Variants in LPP observed in about 807,000 individuals in gnomAD.
The protein encoded by LPP is lipoma-preferred partner.
In LPP, 38 loss-of-function variants were observed where a neutral mutation model predicts 60.4. The ratio of observed to expected loss-of-function variants is 0.63; its 90% CI spans 0.49 to 0.83. LPP has a LOEUF of 0.83. Among genes scored for constraint, LPP ranks in the 40% least tolerant of loss-of-function variants. LPP has a pLI of 0.00. For missense variants in LPP, 902 were observed against 783.6 expected, an observed-to-expected ratio of 1.15 and a Z score of -1.80; for synonymous variants, 328 against 290.8, an observed-to-expected ratio of 1.13 and a Z score of -1.30.
At chr3:188,187,685 C>G (rs1032182305) in intron 1 of LPP, among the ~76,000 whole-genome samples, 2 of 151,964 alleles carry the variant, frequency 1.3e-5, no homozygotes, top group Non-Finnish European at 2.9e-5. Context: ...GCAGTTTCCC[C>G]CTCTTCCCTC....
Position 188,221,220 on chromosome 3 carries a change from C to G in LPP, c.-189-4185C>G, listed in dbSNP as rs527354867. On this transcript the variant is annotated intron_variant, in intron 1 of 11. Coordinates refer to ENST00000617246, the MANE Select transcript of LPP (RefSeq NM_001375462.1). ...CCTTTGCACATTGTGTTCCCTGAGC[C>G]TATTTTTCTCCTCCTCATCCGTGGA... is the stretch of plus-strand genomic sequence containing the variant. Among the ~76,000 whole-genome samples, 4 of 152,316 alleles carry G rather than the reference C, an allele frequency of 2.6e-5. No individual in the cohort carries two copies. The South Asian group carries it at 8.3e-4, about 32-fold the overall frequency.
intron 1 of LPP, among the ~76,000 whole-genome samples, chr3:188,222,965 A>G (rs1394269038): frequency 3.9e-5 from 6 of 152,202 alleles, no homozygotes; most frequent in Non-Finnish European, 8.8e-5. Flanking sequence ...ATTTCATACC[A>G]TCTTCTTCTG....
rs1190398411 is a variant in LPP at position 188,880,427 on chromosome 3, A to C, written c.*5948A>C. On this transcript the variant is annotated 3_prime_UTR_variant, in exon 12 of 12. Coordinates refer to ENST00000617246, the MANE Select transcript of LPP (RefSeq NM_001375462.1). Reference sequence around the variant, plus strand: ...ATTCTGGTTGTTATTTAATTGACAGAAGTCTCTTGATGCACGAATAAATAT... The same window carrying C: ...ATTCTGGTTGTTATTTAATTGACAGCAGTCTCTTGATGCACGAATAAATAT... 2 of 190,224 alleles carry C rather than the reference A, an allele frequency of 1.1e-5. No individual in the cohort carries two copies. Among genetic ancestry groups the C allele is most frequent in the African/African-American group, 4.7e-5 (2 of 42,866 alleles). 11.8% of individuals were successfully genotyped at this position (190,224 alleles called of 1,614,324 possible).
At chr3:188,706,434 G>A (rs1033302522) in intron 7 of LPP, among the ~76,000 whole-genome samples, 5 of 152,194 alleles carry the variant, frequency 3.3e-5, no homozygotes, top group Non-Finnish European at 7.3e-5. Context: ...TTAGTGACCA[G>A]CATAAAATAT....
chr3:188,371,751 T>C (rs1288034911), intron 3 of LPP, among the ~76,000 whole-genome samples: 1 of 143,116 alleles, frequency 7.0e-6, no homozygotes, highest in Non-Finnish European at 1.5e-5. Flanking sequence ...GCTTCCTGGG[T>C]TCAAACGATT....
At chr3:188,538,593 A>G (rs1361818458) in intron 6 of LPP, among the ~76,000 whole-genome samples, 2 of 152,212 alleles carry the variant, frequency 1.3e-5, no homozygotes, top group Non-Finnish European at 2.9e-5. Context: ...GTGGATTGTA[A>G]AATGGCATAG....
intron 2 of LPP, chr3:188,240,284 G>T (rs186187649): frequency 1.2e-5 from 2 of 168,418 alleles, no homozygotes; most frequent in Admixed American, 6.4e-5. Context: ...GGTAGGAATA[G>T]CTTACAGCTT....
At chr3:188,514,871 TCA>T (rs1438481180) in intron 5 of LPP, among the ~76,000 whole-genome samples, 1 of 152,194 alleles carries the variant, frequency 6.6e-6, no homozygotes, top group Non-Finnish European at 1.5e-5. Flanking sequence ...TCTGTGGGCC[TCA>T]GTGTTCTGAA....
chr3:188,213,685 C>CT (rs953703913), intron 1 of LPP, among the ~76,000 whole-genome samples: 6 of 152,074 alleles, frequency 3.9e-5, no homozygotes, highest in African/African-American at 1.4e-4. Context: ...CCTTTCCCTT[C>CT]TTTTGTTCAT....
intron 2 of LPP, among the ~76,000 whole-genome samples, chr3:188,280,933 ATTTT>A (rs71298542): frequency 2.1e-5 from 3 of 141,350 alleles, no homozygotes; most frequent in Non-Finnish European, 4.6e-5. Context: ...CGACAAAGGA[ATTTT>A]TTTTTTTTTT....
At chr3:188,563,728 G>GTTTTTTTTTTTT (rs5855207) in intron 6 of LPP, among the ~76,000 whole-genome samples, 4 of 145,174 alleles carry the variant, frequency 2.8e-5, no homozygotes, top group African/African-American at 2.5e-5. Flanking sequence ...GTTTTTTTTT[G>GTTTTTTTTTTTT]TTTTTTTTTT....
At chr3:188,582,154 C>CA (rs1300973713) in intron 6 of LPP, among the ~76,000 whole-genome samples, 2 of 102,230 alleles carry the variant, frequency 2.0e-5, no homozygotes, top group Non-Finnish European at 3.7e-5. Context: ...TTTTCTTTTT[C>CA]TTTTTTTTTT....
At chr3:188,295,076 G>A (rs915254590) in intron 2 of LPP, among the ~76,000 whole-genome samples, 9 of 152,194 alleles carry the variant, frequency 5.9e-5, no homozygotes, top group African/African-American at 1.2e-4. Flanking sequence ...AAGAGCAGCC[G>A]GTGGACGTGT....
At chr3:188,361,220 G>C (rs1382950779) in intron 3 of LPP, among the ~76,000 whole-genome samples, 1 of 152,114 alleles carries the variant, frequency 6.6e-6, no homozygotes, top group Non-Finnish European at 1.5e-5. Context: ...AATAAACTGT[G>C]ATAAAGATTT....
At position 188,615,072 on chromosome 3, in the gene LPP, A is replaced by G. The variant is rs532839956; in HGVS notation, c.1113+5228A>G. Reference sequence around the variant, plus strand: ...TCCTCTGGCAGTCATCTCTGTACCCATACATCCTACATGTAATACCAGATT... The same window carrying G: ...TCCTCTGGCAGTCATCTCTGTACCCGTACATCCTACATGTAATACCAGATT... On this transcript the variant is annotated intron_variant, in intron 7 of 11. Coordinates refer to ENST00000617246, the MANE Select transcript of LPP (RefSeq NM_001375462.1). Among the ~76,000 whole-genome samples, 23 of 152,282 alleles carry G rather than the reference A, an allele frequency of 1.5e-4. 1 individual carries two copies. In the South Asian group the frequency reaches 4.4e-3, roughly 29 times the overall value.
intron 2 of LPP, among the ~76,000 whole-genome samples, chr3:188,325,049 C>T (rs111977346): frequency 0.031 from 4,764 of 151,940 alleles, 243 homozygotes; most frequent in African/African-American, 0.11. Context: ...GGTGCGATCT[C>T]GGCTCACTGC....
Position 188,789,790 on chromosome 3 carries a change from C to A in LPP, c.1410+29508C>A, listed in dbSNP as rs1246417137. Among the ~76,000 whole-genome samples the A allele has an allele frequency of 2.6e-5, 4 of 152,018 alleles. No homozygotes were observed. In the East Asian group the frequency reaches 5.8e-4, roughly 22 times the overall value. On this transcript the variant is annotated intron_variant, in intron 9 of 11. Transcript: ENST00000617246. ...AGTGAACCTATCAACAGGCAATTCA[C>A]AGAAGAGAAAATAAAAATAACAAAT...
chr3:188,506,921 C>T (rs1813652409), intron 5 of LPP, among the ~76,000 whole-genome samples: 2 of 152,070 alleles, frequency 1.3e-5, no homozygotes, highest in Non-Finnish European at 2.9e-5. Flanking sequence ...CCTCAGCCTC[C>T]CAAGTAGCTG....
chr3:188,245,898 G>A (rs1472516962), intron 2 of LPP, among the ~76,000 whole-genome samples: 2 of 151,962 alleles, frequency 1.3e-5, no homozygotes, highest in African/African-American at 2.4e-5. Context: ...TACCCTCACT[G>A]TTTTCATTTG....
Sources: gnomAD v4.1 joint callset for allele counts (sites outside exome capture counted in the v4.1 genomes callset) on GRCh38, gnomAD v4.1.1 for gene constraint, MANE v1.5 for transcripts, NCBI Gene and HGNC (gene_info 2026-07-23, HGNC 2026-07-21) for gene names.